LMNTD1: variants seen among roughly 807,000 people sequenced by gnomAD.
The protein encoded by LMNTD1 is lamin tail domain-containing protein 1.
In LMNTD1, 35 loss-of-function variants were observed where a neutral mutation model predicts 50.9. The ratio of observed to expected loss-of-function variants is 0.69; its 90% CI spans 0.53 to 0.91. The LOEUF (loss-of-function observed/expected upper bound fraction) is 0.91, where lower values mean the gene tolerates loss of function less well. Among genes scored for constraint, LMNTD1 ranks in the 40% least tolerant of loss-of-function variants. The pLI, the probability that LMNTD1 is intolerant of heterozygous loss-of-function variation, is 0.00. For synonymous variants in LMNTD1, 153 were observed against 161.9 expected, an observed-to-expected ratio of 0.94 and a Z score of 0.42; for missense variants, 470 against 475.5, an observed-to-expected ratio of 0.99 and a Z score of 0.11.
intron 1 of LMNTD1, among the ~76,000 whole-genome samples, chr12:25,602,236 C>T (rs1945996426): frequency 2.0e-5 from 3 of 151,810 alleles, no homozygotes. Flanking sequence ...ACTCTGGTTG[C>T]CACTTGTTAA....
intron 1 of LMNTD1, among the ~76,000 whole-genome samples, chr12:25,600,078 T>C (rs550530694): frequency 1.4e-4 from 22 of 152,146 alleles, no homozygotes; most frequent in African/African-American, 4.1e-4. Flanking sequence ...CAAAACAGCA[T>C]GGTACTGGCA....
intron 1 of LMNTD1, among the ~76,000 whole-genome samples, chr12:25,640,203 T>C (rs1187261648): frequency 6.6e-6 from 1 of 151,928 alleles, no homozygotes; most frequent in African/African-American, 2.4e-5. Flanking sequence ...TTAGAGGTGA[T>C]AGAAAATAGA....
intron 4 of LMNTD1, among the ~76,000 whole-genome samples, chr12:25,542,295 A>C (rs1943134379): frequency 6.6e-6 from 1 of 151,828 alleles, no homozygotes; most frequent in African/African-American, 2.4e-5. Flanking sequence ...GGCATTATTC[A>C]CAATAGCAAA....
At chr12:25,485,249 T>A (rs1316404272) in intron 9 of LMNTD1, among the ~76,000 whole-genome samples, 2 of 147,714 alleles carry the variant, frequency 1.4e-5, no homozygotes, top group African/African-American at 5.0e-5. Context: ...ATTTCTCTGA[T>A]GGCCAGTGAT....
At chr12:25,553,550 T>C (rs1943898056), upstream of LMNTD1, among the ~76,000 whole-genome samples, 1 of 152,138 alleles carries the variant, frequency 6.6e-6, no homozygotes. Context: ...TTTCTTCTTT[T>C]TTTTCTTTCT....
At chr12:25,551,887 G>T (rs941788381) in intron 2 of LMNTD1, among the ~76,000 whole-genome samples, 5 of 152,052 alleles carry the variant, frequency 3.3e-5, no homozygotes, top group African/African-American at 1.2e-4. Context: ...CCCCTTCTTG[G>T]TATCTCACTC....
chr12:25,626,376 A>T (rs1946590056), intron 1 of LMNTD1, among the ~76,000 whole-genome samples: 1 of 152,180 alleles, frequency 6.6e-6, no homozygotes. Flanking sequence ...ATACATATAT[A>T]TAATCCTTCA....
At chr12:25,646,998 C>T (rs189582494) in intron 1 of LMNTD1, among the ~76,000 whole-genome samples, 1 of 152,280 alleles carries the variant, frequency 6.6e-6, no homozygotes, top group Admixed American at 6.5e-5. Context: ...ATTAAAGTGG[C>T]AGACTTTTCA....
intron 6 of LMNTD1, among the ~76,000 whole-genome samples, 170 bp from the exon 7 acceptor site, chr12:25,520,245 A>G (rs1304662094): frequency 6.7e-6 from 1 of 149,470 alleles, no homozygotes; most frequent in Non-Finnish European, 1.5e-5. Context: ...TTTTATGACA[A>G]GAGCAGCTAA....
intron 1 of LMNTD1, among the ~76,000 whole-genome samples, chr12:25,579,627 A>G (rs948523728): frequency 6.6e-6 from 1 of 152,148 alleles, no homozygotes; most frequent in African/African-American, 2.4e-5. Context: ...CAAGCTTATT[A>G]TCTTGCTCAA....
chr12:25,609,992 G>A (rs922919792), intron 1 of LMNTD1, among the ~76,000 whole-genome samples: 1 of 152,132 alleles, frequency 6.6e-6, no homozygotes, highest in African/African-American at 2.4e-5. Context: ...AGCTGCAGTG[G>A]GCCCCACCGA....
intron 8 of LMNTD1, among the ~76,000 whole-genome samples, chr12:25,511,230 G>T (rs1461726274): frequency 1.3e-5 from 2 of 152,118 alleles, no homozygotes; most frequent in Non-Finnish European, 2.9e-5. Flanking sequence ...CAATTTTATG[G>T]ATTTGGACTC....
intron 1 of LMNTD1, among the ~76,000 whole-genome samples, chr12:25,646,495 T>G (rs924287909): frequency 3.3e-5 from 5 of 152,196 alleles, no homozygotes; most frequent in Non-Finnish European, 7.4e-5. Context: ...GGATCATTTT[T>G]TTTTCTCTTG....
upstream of LMNTD1, among the ~76,000 whole-genome samples, chr12:25,554,478 C>G (rs557206393): frequency 2.0e-5 from 3 of 152,234 alleles, no homozygotes; most frequent in African/African-American, 7.2e-5. Flanking sequence ...TTCTTATTTC[C>G]TTTTCTTAAA....
At chr12:25,590,320 CTCT>C (rs1945657668) in intron 1 of LMNTD1, among the ~76,000 whole-genome samples, 2 of 152,150 alleles carry the variant, frequency 1.3e-5, no homozygotes, top group Non-Finnish European at 2.9e-5. Flanking sequence ...AAAGGACCAT[CTCT>C]ATTGATGCCC....
At chr12:25,606,405 G>C (rs1348640329) in intron 1 of LMNTD1, among the ~76,000 whole-genome samples, 10 of 152,120 alleles carry the variant, frequency 6.6e-5, no homozygotes, top group Non-Finnish European at 1.5e-5. Context: ...TCCCTGTCTT[G>C]TGCCAGTTTT....
chr12:25,536,846 G>C (rs2136155027), intron 4 of LMNTD1, among the ~76,000 whole-genome samples: 1 of 152,398 alleles, frequency 6.6e-6, no homozygotes, highest in East Asian at 1.9e-4. Flanking sequence ...GTGCCAGACA[G>C]TGGGCGCAGG....
chr12:25,521,345 G>A (rs1591892349), intron 6 of LMNTD1, among the ~76,000 whole-genome samples: 1 of 152,078 alleles, frequency 6.6e-6, no homozygotes, highest in South Asian at 2.1e-4. Context: ...CAGTATTATG[G>A]TTTCAGGTCT....
chr12:25,530,383 T>C (rs1942137823), intron 4 of LMNTD1, among the ~76,000 whole-genome samples: 1 of 152,234 alleles, frequency 6.6e-6, no homozygotes, highest in Non-Finnish European at 1.5e-5. Context: ...ATAAGAAATC[T>C]TTCCCTGCTC....
Sources: allele counts gnomAD v4.1 joint callset (sites outside exome capture counted in the v4.1 genomes callset), GRCh38; gene constraint gnomAD v4.1.1; transcripts MANE v1.5; gene names NCBI Gene and HGNC (gene_info 2026-07-23, HGNC 2026-07-21).